SCOC: variants seen among roughly 807,000 people sequenced by gnomAD.
SCOC encodes short coiled-coil protein.
In SCOC, 7 loss-of-function variants were observed where a neutral mutation model predicts 9.9. That is an observed-to-expected ratio of 0.71 (90% CI 0.40 to 1.33). SCOC has a LOEUF of 1.33. Ranked by LOEUF, SCOC falls within the 40% of genes most tolerant of loss-of-function variation. The probability of loss-of-function intolerance (pLI) is 0.01; values close to 1 mark genes in which losing one functional copy is unlikely to be tolerated. For missense variants in SCOC, 66 were observed against 89.7 expected, an observed-to-expected ratio of 0.74 and a Z score of 1.07; for synonymous variants, 19 against 28.2, an observed-to-expected ratio of 0.67 and a Z score of 1.03.
intron 1 of SCOC, among the ~76,000 whole-genome samples, chr4:140,375,089 A>G (rs1240472974): frequency 6.6e-6 from 1 of 152,206 alleles, no homozygotes; most frequent in African/African-American, 2.4e-5. Flanking sequence ...ATGTGACAAT[A>G]GTTGTGGTGG....
chr4:140,261,642 T>A (rs1730636663), intron 1 of SCOC, among the ~76,000 whole-genome samples: 1 of 152,250 alleles, frequency 6.6e-6, no homozygotes, highest in African/African-American at 2.4e-5. Flanking sequence ...ATTCTACTCT[T>A]AAGGAGCTTA....
intron 1 of SCOC, among the ~76,000 whole-genome samples, chr4:140,377,609 TTATG>T (rs540910695): frequency 5.3e-5 from 8 of 152,328 alleles, no homozygotes; most frequent in Admixed American, 3.3e-4. Flanking sequence ...AACTTGAAGT[TTATG>T]TATATGTACA....
chr4:140,372,722 G>A (rs940431633), upstream of SCOC, among the ~76,000 whole-genome samples: 1 of 152,126 alleles, frequency 6.6e-6, no homozygotes, highest in Non-Finnish European at 1.5e-5. Flanking sequence ...CAAGAAACAG[G>A]GAGACATAAG....
chr4:140,361,122 C>G (rs1443955476), intron 2 of SCOC: 1 of 152,108 alleles, frequency 6.6e-6, no homozygotes, highest in Non-Finnish European at 1.5e-5. Flanking sequence ...GACACCATGC[C>G]AGGCAACTTC....
chr4:140,258,359 C>T (rs941594583), intron 1 of SCOC, among the ~76,000 whole-genome samples: 3 of 152,218 alleles, frequency 2.0e-5, no homozygotes, highest in Admixed American at 6.5e-5. Context: ...TTCCTTGGTT[C>T]TCCTTGAGGC....
At chr4:140,376,941 T>C (rs1182189751) in intron 1 of SCOC, among the ~76,000 whole-genome samples, 2 of 152,248 alleles carry the variant, frequency 1.3e-5, no homozygotes, top group Non-Finnish European at 2.9e-5. Context: ...GTATATCTTA[T>C]AACTCTTCTT....
intron 1 of SCOC, among the ~76,000 whole-genome samples, chr4:140,315,144 G>T (rs542975823): frequency 6.6e-6 from 1 of 152,260 alleles, no homozygotes; most frequent in African/African-American, 2.4e-5. Flanking sequence ...TCTTCAGTGA[G>T]TGAAATAATA....
chr4:140,308,951 G>T (rs76194627), intron 1 of SCOC, among the ~76,000 whole-genome samples: 4 of 152,304 alleles, frequency 2.6e-5, no homozygotes, highest in Non-Finnish European at 4.4e-5. Context: ...CACAGCCCCA[G>T]TGTTTTTGCT....
chr4:140,292,971 G>A (rs1468159392), intron 1 of SCOC, among the ~76,000 whole-genome samples: 1 of 152,208 alleles, frequency 6.6e-6, no homozygotes, highest in African/African-American at 2.4e-5. Context: ...CAGGAGAGAA[G>A]AGGCTTCCTA....
chr4:140,355,226 T>TGATATAC, intron 2 of SCOC, among the ~76,000 whole-genome samples: 1 of 122,124 alleles, frequency 8.2e-6, no homozygotes, highest in Non-Finnish European at 1.7e-5. Flanking sequence ...TATATATATA[T>TGATATAC]ATATATATAT....
chr4:140,261,737 G>A (rs188620552), intron 1 of SCOC, among the ~76,000 whole-genome samples: 104 of 152,330 alleles, frequency 6.8e-4, no homozygotes, highest in African/African-American at 2.2e-3. Flanking sequence ...AGCCAGGAAT[G>A]GGAAAGGGGG....
chr4:140,302,759 G>C (rs1429708186), intron 1 of SCOC, among the ~76,000 whole-genome samples: 1 of 152,186 alleles, frequency 6.6e-6, no homozygotes, highest in Admixed American at 6.5e-5. Context: ...ACATTATCAA[G>C]GTAGGTGTTC....
intron 1 of SCOC, among the ~76,000 whole-genome samples, chr4:140,293,593 C>A (rs976562288): frequency 6.6e-6 from 1 of 152,128 alleles, no homozygotes; most frequent in Non-Finnish European, 1.5e-5. Flanking sequence ...ATGGGAAGAC[C>A]CAAAGCCATA....
chr4:140,293,577 AG>A (rs1018056680), intron 1 of SCOC, among the ~76,000 whole-genome samples: 19 of 152,254 alleles, frequency 1.2e-4, no homozygotes, highest in African/African-American at 4.6e-4. Flanking sequence ...AGTCTTGGCC[AG>A]GCCAATGGGA....
intron 1 of SCOC, chr4:140,284,903 G>T (rs1731188542): frequency 5.0e-6 from 1 of 198,176 alleles, no homozygotes; most frequent in Admixed American, 5.5e-5. Context: ...TATGTTCTTT[G>T]GGAGTAGAAA....
intron 1 of SCOC, among the ~76,000 whole-genome samples, chr4:140,301,217 A>C (rs901042940): frequency 6.6e-6 from 1 of 152,080 alleles, no homozygotes. Flanking sequence ...CAAGTGAAGG[A>C]ACTCTGTTGT....
chr4:140,286,196 A>T (rs1731263423), intron 1 of SCOC, among the ~76,000 whole-genome samples: 1 of 152,026 alleles, frequency 6.6e-6, no homozygotes, highest in African/African-American at 2.4e-5. Context: ...AATAAAAAAA[A>T]AAAAGAATGC....
intron 1 of SCOC, among the ~76,000 whole-genome samples, chr4:140,303,648 C>T (rs528482148): frequency 1.3e-5 from 2 of 152,278 alleles, no homozygotes; most frequent in African/African-American, 4.8e-5. Flanking sequence ...CTGAGTTCCT[C>T]AGTTCAAAGT....
intron 1 of SCOC, among the ~76,000 whole-genome samples, chr4:140,312,774 A>T (rs947645949): frequency 2.6e-5 from 4 of 152,188 alleles, no homozygotes; most frequent in Non-Finnish European, 4.4e-5. Context: ...AAGTAAAATT[A>T]TCCTTAAATC....
Sources: gnomAD v4.1 joint callset for allele counts (sites outside exome capture counted in the v4.1 genomes callset) on GRCh38, gnomAD v4.1.1 for gene constraint, MANE v1.5 for transcripts, NCBI Gene and HGNC (gene_info 2026-07-23, HGNC 2026-07-21) for gene names.